NR2C2: variants seen among roughly 807,000 people sequenced by gnomAD.
NR2C2 encodes the protein Nuclear hormone receptor TR4.
In NR2C2, 6 loss-of-function variants were observed where a neutral mutation model predicts 62.9. The observed-to-expected ratio is 0.10, with a 90% CI of 0.05 to 0.19. The LOEUF (loss-of-function observed/expected upper bound fraction) is 0.19, where lower values mean the gene tolerates loss of function less well. NR2C2 is among the 10% of genes least tolerant of loss of function. The pLI is 1.00. For missense variants in NR2C2, 479 were observed against 762.7 expected (o/e 0.63, Z 4.38); for synonymous variants, 272 against 273.8 (o/e 0.99, Z 0.07).
chr3:14,952,115 C>T (rs1298445073), intron 1 of NR2C2, among the ~76,000 whole-genome samples: 2 of 152,226 alleles, frequency 1.3e-5, no homozygotes, highest in African/African-American at 4.8e-5. Context: ...AGAGCTTGGG[C>T]TATGAAGGCA....
chr3:15,016,995 G>A (rs936352618), intron 4 of NR2C2, among the ~76,000 whole-genome samples: 14 of 152,222 alleles, frequency 9.2e-5, no homozygotes, highest in African/African-American at 3.4e-4. Context: ...TATTTTACAA[G>A]AACACAGTAC....
At chr3:14,950,007 G>A (rs1443767077) in intron 1 of NR2C2, among the ~76,000 whole-genome samples, 3 of 152,164 alleles carry the variant, frequency 2.0e-5, no homozygotes, top group Non-Finnish European at 4.4e-5. Flanking sequence ...CAATAATAGA[G>A]CCTTCCTTCC....
At chr3:15,033,206 G>A (rs2042023321) in intron 10 of NR2C2, among the ~76,000 whole-genome samples, 1 of 152,162 alleles carries the variant, frequency 6.6e-6, no homozygotes, top group Non-Finnish European at 1.5e-5. Flanking sequence ...TAGAATGGAG[G>A]GCAGGGTTGT....
chr3:14,970,334 T>C (rs2040000345), intron 1 of NR2C2, among the ~76,000 whole-genome samples: 1 of 152,124 alleles, frequency 6.6e-6, no homozygotes, highest in Admixed American at 6.5e-5. Context: ...TGCGGTAAAA[T>C]ATAAAATTTA....
chr3:15,019,263 CGAAAA>C (rs1333003526), intron 4 of NR2C2, among the ~76,000 whole-genome samples: 4 of 151,484 alleles, frequency 2.6e-5, no homozygotes, highest in African/African-American at 9.7e-5. Context: ...ATTAAAAAGA[CGAAAA>C]GAAGTGCTAG....
Position 15,045,134 on chromosome 3 carries a change from CTT to C in NR2C2, c.*2129_*2130del, listed in dbSNP as rs2042405076. The C allele has an allele frequency of 1.3e-5, 2 of 152,284 alleles. No individual in the cohort carries two copies. Among genetic ancestry groups the C allele is most frequent in the South Asian group, 4.1e-4 (2 of 4,828 alleles). 9.4% of individuals were successfully genotyped at this position (152,284 alleles called of 1,614,324 possible). On this transcript the variant is annotated 3_prime_UTR_variant, in exon 14 of 14. Coordinates refer to ENST00000425241, the MANE Select transcript of NR2C2 (RefSeq NM_001291694.2). The stretch of plus-strand genomic sequence containing the variant: ...TTTGTTTCATTTCTGCTTGTGAAGG[CTT>C]TTAGTAGCAGGCATCCTGCAGCTCA...
chr3:15,043,071 A>G lies in NR2C2; in HGVS notation c.*63A>G. Reference sequence around the variant, plus strand: ...TCCAGGACCGTTCACATACAAAGAAAAGTAGTGGTATTTTGGTATGTGCAA... The same window carrying G: ...TCCAGGACCGTTCACATACAAAGAAGAGTAGTGGTATTTTGGTATGTGCAA... On this transcript the variant is annotated 3_prime_UTR_variant, in exon 14 of 14. Coordinates refer to ENST00000425241, the MANE Select transcript of NR2C2 (RefSeq NM_001291694.2). The G allele has an allele frequency of 6.8e-7, 1 of 1,477,238 alleles. No individual in the cohort carries two copies. The highest frequency in any genetic ancestry group is 1.4e-5 in the South Asian group (1 of 73,330). The allele number at this position is 1,477,238 out of a possible 1,614,324, so 91.5% of individuals were successfully genotyped here. A position where few individuals can be genotyped will look rare whatever the true frequency, so the allele number is the denominator to read the frequency against.
intron 2 of NR2C2, 102 bp downstream of exon 2, chr3:15,004,088 T>C (rs778958435): frequency 2.2e-5 from 19 of 850,518 alleles, no homozygotes; most frequent in Non-Finnish European, 3.2e-5. Context: ...CTTTTGGGCA[T>C]GAAATACAGT....
chr3:15,045,308 A>G lies in NR2C2; in HGVS notation c.*2300A>G, dbSNP rs1360965481. 2.0e-5 allele frequency: 3 copies of G among 152,594 alleles called. No individual in the cohort carries two copies. Among genetic ancestry groups the G allele is most frequent in the Non-Finnish European group, 2.9e-5 (2 of 68,072 alleles). 9.5% of individuals were successfully genotyped at this position (152,594 alleles called of 1,614,324 possible). On this transcript the variant is annotated 3_prime_UTR_variant, in exon 14 of 14. Transcript: ENST00000425241. ...TGGTGTTGGTGAAAAGGTCTCCACC[A>G]GCCCCTCCTCTCATTCCCAGGTCAT...
At chr3:14,950,481 C>G (rs189119753) in intron 1 of NR2C2, among the ~76,000 whole-genome samples, 1 of 151,370 alleles carries the variant, frequency 6.6e-6, no homozygotes, top group East Asian at 1.9e-4. Context: ...TCTAGACACA[C>G]TGGCCTACCT....
chr3:14,979,168 C>T (rs1277218889), intron 1 of NR2C2, among the ~76,000 whole-genome samples: 1 of 152,140 alleles, frequency 6.6e-6, no homozygotes. Context: ...TGGGTTTGTA[C>T]ATTTTTGTTT....
chr3:15,042,095 G>A (rs766017452), intron 13 of NR2C2, among the ~76,000 whole-genome samples: 1 of 152,206 alleles, frequency 6.6e-6, no homozygotes, highest in East Asian at 1.9e-4. Flanking sequence ...TGGCACTGCA[G>A]TAGAGTCCTG....
chr3:15,037,892 T>C, intron 11 of NR2C2, 108 bp from the exon 12 acceptor site: 1 of 1,207,358 alleles, frequency 8.3e-7, no homozygotes, highest in Non-Finnish European at 1.2e-6. Flanking sequence ...TACTGATTTT[T>C]CATTAAAAAG....
chr3:14,995,813 C>G (rs2040817026), intron 1 of NR2C2, among the ~76,000 whole-genome samples: 1 of 152,158 alleles, frequency 6.6e-6, no homozygotes, highest in African/African-American at 2.4e-5. Context: ...TATGAAGGAT[C>G]TGGTTTCTCC....
chr3:14,952,698 C>T (rs533498899), intron 1 of NR2C2, among the ~76,000 whole-genome samples: 1 of 152,240 alleles, frequency 6.6e-6, no homozygotes, highest in East Asian at 1.9e-4. Flanking sequence ...TATGTTCTTC[C>T]TTATTCGTTG....
chr3:14,991,783 G>A (rs1194724185), intron 1 of NR2C2, among the ~76,000 whole-genome samples: 1 of 29,708 alleles, frequency 3.4e-5, no homozygotes, highest in Non-Finnish European at 7.0e-5. Context: ...TTTTTTTTTT[G>A]GAGATAGGGT....
intron 1 of NR2C2, among the ~76,000 whole-genome samples, chr3:14,988,494 G>A (rs1688096359): frequency 6.6e-6 from 1 of 152,226 alleles, no homozygotes; most frequent in South Asian, 2.1e-4. Context: ...TAATTATCAG[G>A]CCAGAGGGCA....
intron 3 of NR2C2, among the ~76,000 whole-genome samples, chr3:15,014,074 T>G (rs2041432004): frequency 1.3e-5 from 2 of 152,186 alleles, no homozygotes; most frequent in African/African-American, 4.8e-5. Context: ...ACTGGAGAAT[T>G]GTTCTTACCT....
At position 15,046,464 on chromosome 3, in the gene NR2C2, T is replaced by C. The variant is rs2042455364; in HGVS notation, c.*3456T>C. 6.6e-6 allele frequency: 1 copy of C among 152,254 alleles called. No homozygotes were observed. Among genetic ancestry groups the C allele is most frequent in the African/African-American group, 2.4e-5 (1 of 41,462 alleles). The allele number at this position is 152,254 out of a possible 1,614,324, so 9.4% of individuals were successfully genotyped here. ...AAGGAGCAAAAAATTCTAAGGACTC[T>C]AGCTGTTTCTAGTGCTTTTACTTTC... On this transcript the variant is annotated 3_prime_UTR_variant, in exon 14 of 14. Coordinates refer to ENST00000425241, the MANE Select transcript of NR2C2 (RefSeq NM_001291694.2).
Sources: gnomAD v4.1 joint callset for allele counts (sites outside exome capture counted in the v4.1 genomes callset) on GRCh38, gnomAD v4.1.1 for gene constraint, MANE v1.5 for transcripts, NCBI Gene and HGNC (gene_info 2026-07-23, HGNC 2026-07-21) for gene names.